Variants in SEMA6A observed in about 807,000 individuals in gnomAD.
SEMA6A encodes semaphorin 6A.
A neutral mutation model predicts 96.8 loss-of-function variants in SEMA6A; 25 were observed. The ratio of observed to expected loss-of-function variants is 0.26; its 90% CI spans 0.19 to 0.36. The LOEUF is 0.36. Among genes scored for constraint, SEMA6A ranks in the 10% least tolerant of loss-of-function variants. The probability of loss-of-function intolerance (pLI) is 1.00; values close to 1 mark genes in which losing one functional copy is unlikely to be tolerated. For missense variants in SEMA6A, 1,363 were observed against 1,323.1 expected (o/e 1.03, Z -0.47); for synonymous variants, 612 against 518.0 (o/e 1.18, Z -2.46).
intron 18 of SEMA6A, among the ~76,000 whole-genome samples, chr5:116,456,437 T>G (rs771653031): frequency 6.6e-6 from 1 of 152,212 alleles, no homozygotes; most frequent in East Asian, 1.9e-4. Context: ...TGACAAAGAA[T>G]AGAAATCGAC....
intron 18 of SEMA6A, among the ~76,000 whole-genome samples, chr5:116,460,357 C>T (rs560464872): frequency 6.6e-5 from 10 of 152,062 alleles, no homozygotes; most frequent in East Asian, 1.9e-4. Flanking sequence ...GAATATTTTT[C>T]GTGGAATAAG....
At chr5:116,568,148 T>C (rs1761083558) in intron 1 of SEMA6A, among the ~76,000 whole-genome samples, 1 of 152,238 alleles carries the variant, frequency 6.6e-6, no homozygotes. Flanking sequence ...ATCTCTGTTA[T>C]ATCCAGGGTC....
At chr5:116,566,703 G>A (rs1761041425) in intron 1 of SEMA6A, among the ~76,000 whole-genome samples, 1 of 152,198 alleles carries the variant, frequency 6.6e-6, no homozygotes, top group Admixed American at 6.5e-5. Context: ...ATAAGAACTT[G>A]TATGACTATC....
chr5:116,518,957 A>G (rs529869931), intron 1 of SEMA6A, among the ~76,000 whole-genome samples: 1 of 152,114 alleles, frequency 6.6e-6, no homozygotes, highest in East Asian at 1.9e-4. Context: ...CAAACACGGT[A>G]TTTTCCTACT....
At chr5:116,572,660 G>A (rs910432861) in intron 1 of SEMA6A, among the ~76,000 whole-genome samples, 6 of 152,164 alleles carry the variant, frequency 3.9e-5, no homozygotes, top group African/African-American at 1.4e-4. Flanking sequence ...CACAGTGGCC[G>A]CACCTGCCTC....
chr5:116,478,929 A>AGT (rs34260068), intron 12 of SEMA6A, among the ~76,000 whole-genome samples: 12,656 of 149,244 alleles, frequency 0.085, 579 homozygotes, highest in East Asian at 0.13. Flanking sequence ...GGTGTGAGAG[A>AGT]GTGTGTGTGT....
At position 116,480,601 on chromosome 5, in the gene SEMA6A, G is replaced by A. The variant is rs17139886; in HGVS notation, c.1095-324C>T. On this transcript the variant is annotated intron_variant, in intron 11 of 18. Transcript: ENST00000343348. ...AGTGAGTGTGGTTTGCACATATCTC[G>A]GGGATGGTTTTACTTATCCAAAAAG... 1.0e-2 allele frequency among the ~76,000 whole-genome samples: 1,515 copies of A among 152,238 alleles called. 54 individuals carry two copies. The highest frequency in any genetic ancestry group is 0.052 in the Admixed American group (799 of 15,294).
chr5:116,511,725 T>C (rs532178313), intron 1 of SEMA6A, among the ~76,000 whole-genome samples: 10 of 152,192 alleles, frequency 6.6e-5, no homozygotes, highest in African/African-American at 1.4e-4. Flanking sequence ...CTTAAGGTGA[T>C]AGAAAGATGC....
In SEMA6A at chr5:116,444,034, G is replaced by A. The variant is rs1356129225; in HGVS notation, c.*2579C>T. 1 of 150,518 alleles carries A rather than the reference G, an allele frequency of 6.6e-6. No individual in the cohort carries two copies. The allele number at this position is 150,518 out of a possible 1,614,324, so 9.3% of individuals were successfully genotyped here. ...AAGACAGCCGCTTACGTCAATGATG[G>A]GTGCTGCACTGCCAGTACTCTCGGG... On this transcript the variant is annotated 3_prime_UTR_variant, in exon 19 of 19. Transcript: ENST00000343348.
intron 16 of SEMA6A, among the ~76,000 whole-genome samples, chr5:116,473,437 C>T (rs543867203): frequency 1.3e-5 from 2 of 152,188 alleles, no homozygotes; most frequent in Non-Finnish European, 2.9e-5. Flanking sequence ...ATAAGTGATA[C>T]CTGGACCACA....
At chr5:116,538,778 G>C (rs1426563861) in intron 1 of SEMA6A, among the ~76,000 whole-genome samples, 1 of 151,944 alleles carries the variant, frequency 6.6e-6, no homozygotes, top group African/African-American at 2.4e-5. Flanking sequence ...CTAAAGTCCT[G>C]CTTGACCATC....
intron 5 of SEMA6A, chr5:116,495,965 C>T (rs1757580078): frequency 8.1e-6 from 3 of 371,824 alleles, no homozygotes; most frequent in African/African-American, 2.1e-5. Flanking sequence ...AGGTGGGCAT[C>T]GGCGTACACT....
intron 18 of SEMA6A, among the ~76,000 whole-genome samples, chr5:116,455,073 G>T (rs1420930408): frequency 6.6e-6 from 1 of 152,126 alleles, no homozygotes; most frequent in Non-Finnish European, 1.5e-5. Context: ...TGCATTTTTG[G>T]TTGGGATGTC....
chr5:116,478,125 C>T lies in SEMA6A; in HGVS notation c.1457G>A (p.Arg486Lys). Residue 486 changes from arginine to lysine, a missense_variant, in exon 14 of 19, where the codon AGG (arginine) becomes AAG (lysine). Around this residue, in one of 2 missense-constraint regions of SEMA6A, gnomAD observed 883 missense variants for 763.6 expected, o/e 1.16. Transcript: ENST00000343348. ...KCSYDGVEDK[R>K]IMGMQLDRAS... Reference sequence around the variant, plus strand: ...TCTGTCCAGCTGCATGCCCATGATCCTTTTGTCTTCGACTCCATCATAGCT... The same window carrying T: ...TCTGTCCAGCTGCATGCCCATGATCTTTTTGTCTTCGACTCCATCATAGCT... The T allele has an allele frequency of 1.2e-6, 2 of 1,613,896 alleles. No homozygotes were observed. Among genetic ancestry groups the T allele is most frequent in the Non-Finnish European group, 1.7e-6 (2 of 1,179,848 alleles).
intron 1 of SEMA6A, among the ~76,000 whole-genome samples, chr5:116,533,346 G>GC (rs142764282): frequency 0.093 from 14,140 of 151,450 alleles, 903 homozygotes; most frequent in African/African-American, 0.18. Context: ...GCTGCTCTGT[G>GC]CACAGATGTG....
rs577241941 is a variant in SEMA6A, at chr5:116,444,946, A to T, written c.*1667T>A. On this transcript the variant is annotated 3_prime_UTR_variant, in exon 19 of 19. Coordinates refer to ENST00000343348, the MANE Select transcript of SEMA6A (RefSeq NM_020796.5). ...GTCCCTTTTCTGCTAGCAAATAAGG[A>T]TATCACCGTATTGAAATAATCTAAG... is the stretch of plus-strand genomic sequence containing the variant. 3.3e-5 allele frequency: 5 copies of T among 152,822 alleles called. No individual in the cohort carries two copies. In the South Asian group the frequency reaches 1.0e-3, roughly 32 times the overall value. The allele number at this position is 152,822 out of a possible 1,614,324, so 9.5% of individuals were successfully genotyped here. A position where few individuals can be genotyped will look rare whatever the true frequency, so the allele number is the denominator to read the frequency against.
intron 15 of SEMA6A, among the ~76,000 whole-genome samples, chr5:116,477,064 G>C (rs1756488206): frequency 6.6e-6 from 1 of 152,188 alleles, no homozygotes; most frequent in Non-Finnish European, 1.5e-5. Flanking sequence ...GGAGGTTGAA[G>C]AAATGGCTGT....
At chr5:116,455,713 T>C (rs2112604719) in intron 18 of SEMA6A, among the ~76,000 whole-genome samples, 1 of 152,216 alleles carries the variant, frequency 6.6e-6, no homozygotes, top group East Asian at 1.9e-4. Flanking sequence ...CTGCTAAATC[T>C]TCCAACTTGA....
intron 1 of SEMA6A, among the ~76,000 whole-genome samples, chr5:116,536,799 C>T (rs746023704): frequency 7.3e-6 from 1 of 136,554 alleles, no homozygotes; most frequent in Non-Finnish European, 1.5e-5. Flanking sequence ...AGTCAAGGAA[C>T]AGCTGCACAA....
Sources: gnomAD v4.1 joint callset for allele counts (sites outside exome capture counted in the v4.1 genomes callset) on GRCh38, gnomAD v4.1.1 for gene constraint, gnomAD v4.1.1 regional missense constraint, MANE v1.5 for transcripts, NCBI Gene and HGNC (gene_info 2026-07-23, HGNC 2026-07-21) for gene names.